CBR1: variants seen among roughly 807,000 people sequenced by gnomAD.
CBR1 encodes the protein carbonyl reductase 1, also known as carbonyl reductase [NADPH] 1.
A neutral mutation model predicts 10.6 loss-of-function variants in CBR1; 11 were observed. The ratio of observed to expected loss-of-function variants is 1.03; its 90% confidence interval spans 0.65 to 1.71. The LOEUF (loss-of-function observed/expected upper bound fraction) is 1.71. CBR1 is among the 40% of genes most tolerant of loss of function. CBR1 has a pLI of 0.00. For synonymous variants in CBR1, 158 were observed against 156.7 expected (o/e 1.01, Z -0.06); for missense variants, 361 against 368.6 (o/e 0.98, Z 0.17).
rs753977576 is a variant in CBR1 at position 36,070,201 on chromosome 21, T to A, written c.86T>A (p.Phe29Tyr). ...LAIVRDLCRL[F>Y]SGDVVLTARD... The stretch of plus-strand genomic sequence containing the variant: ...ATCGTGCGCGACCTGTGCCGGCTGT[T>A]CTCGGGGGACGTGGTGCTCACGGCG... The change falls in exon 1 of 3, where the codon TTC becomes TAC. Residue 29 changes from phenylalanine to tyrosine, a missense_variant. Phe to Tyr is a conservative substitution (Grantham distance 22). Transcript: ENST00000290349. 1.6e-5 allele frequency: 26 copies of A among 1,607,518 alleles called. No individual in the cohort carries two copies. In the African/African-American group the frequency reaches 3.2e-4, roughly 20 times the overall value.
chr21:36,071,340 T>G (rs1055504587), intron 2 of CBR1: 1 of 621,850 alleles, frequency 1.6e-6, no homozygotes, highest in Non-Finnish European at 2.9e-6. Flanking sequence ...GAGATGCTCT[T>G]TATTTGCTCC....
chr21:36,072,677 G>C lies in CBR1; in HGVS notation c.629G>C (p.Arg210Thr). The change falls in exon 3 of 3, where the codon AGG becomes ACG. Residue 210 changes from arginine to threonine, a missense_variant. Physicochemically the swap from Arg to Thr is moderately conservative, Grantham distance 71. Coordinates refer to ENST00000290349, the MANE Select transcript of CBR1 (RefSeq NM_001757.4). ...ACCGTTCTGTCCAGGATCCACGCCA[G>C]GAAACTGAGTGAGCAGAGGAAAGGG... is the stretch of plus-strand genomic sequence containing the variant. ...GVTVLSRIHA[R>T]KLSEQRKGDK... 1 of 1,614,120 alleles carries C rather than the reference G, an allele frequency of 6.2e-7. No homozygotes were observed. The highest frequency in any genetic ancestry group is 8.5e-7 in the Non-Finnish European group (1 of 1,180,010).
rs1214489445 is a variant in CBR1 at position 36,070,087 on chromosome 21, C to T, written c.-29C>T. On this transcript the variant is annotated 5_prime_UTR_variant, in exon 1 of 3. In the 5' UTR this introduces an upstream ATG that the reference lacks. Coordinates refer to ENST00000290349, the MANE Select transcript of CBR1 (RefSeq NM_001757.4). ...GGGCCTGAGCCAGGTCTGTTCTCCA[C>T]GCAGGTGTTCCGCGCGCCCCGTTCA... 5 of 1,474,756 alleles carry T rather than the reference C, an allele frequency of 3.4e-6. No homozygotes were observed. In the Admixed American group the frequency reaches 7.5e-5, roughly 22 times the overall value. 91.4% of individuals were successfully genotyped at this position (1,474,756 alleles called of 1,614,324 possible). A position where few individuals can be genotyped will look rare whatever the true frequency, so the allele number is the denominator to read the frequency against.
chr21:36,070,297 A>C lies in CBR1; in HGVS notation c.182A>C (p.Gln61Pro), dbSNP rs746822383. The C allele has an allele frequency of 3.2e-5, 51 of 1,613,094 alleles. No homozygotes were observed. In the Middle Eastern group the frequency reaches 4.5e-3, roughly 141 times the overall value. ...QAEGLSPRFH[Q>P]LDIDDLQSIR... ...GAGGGCCTGAGCCCGCGCTTCCACC[A>C]GCTGGACATCGACGATCTGCAGAGC... is the stretch of plus-strand genomic sequence containing the variant. The change falls in exon 1 of 3, where the codon CAG (glutamine) becomes CCG (proline). Residue 61 changes from glutamine to proline, a missense_variant. Gln to Pro is a moderately conservative substitution (Grantham distance 76). Transcript: ENST00000290349.
chr21:36,072,545 AGG>A lies in CBR1; in HGVS notation c.498_499del (p.Glu167AlafsTer47). ...TTCCGCAGTGAGACCATCACTGAGG[AGG>A]AGCTGGTGGGGCTCATGAACAAGTT... On this transcript the variant is annotated frameshift_variant, in exon 3 of 3. Transcript: ENST00000290349. LOFTEE classifies it low-confidence loss of function (END_TRUNC). 1 of 1,602,122 alleles carries A rather than the reference AGG, an allele frequency of 6.2e-7. No homozygotes were observed. Among genetic ancestry groups the A allele is most frequent in the African/African-American group, 1.3e-5 (1 of 74,224 alleles).
rs11542168 is a variant in CBR1, at chr21:36,070,068, G to C, written c.-48G>C. ...AACACGCTGCGGGGCTCCCGGGCCT[G>C]AGCCAGGTCTGTTCTCCACGCAGGT... On this transcript the variant is annotated 5_prime_UTR_variant, in exon 1 of 3. Coordinates refer to ENST00000290349, the MANE Select transcript of CBR1 (RefSeq NM_001757.4). 12 of 1,447,680 alleles carry C rather than the reference G, an allele frequency of 8.3e-6. No homozygotes were observed. The highest frequency in any genetic ancestry group is 9.1e-6 in the Non-Finnish European group (10 of 1,097,332). 89.7% of individuals were successfully genotyped at this position (1,447,680 alleles called of 1,614,324 possible).
chr21:36,070,596 G>T, intron 1 of CBR1, 192 bp downstream of exon 1: 2 of 594,446 alleles, frequency 3.4e-6, no homozygotes, highest in Non-Finnish European at 5.6e-6. Context: ...GGACTCTTGG[G>T]GATCTTTTTC....
At chr21:36,071,410 A>G in intron 2 of CBR1, 1 of 594,836 alleles carries the variant, frequency 1.7e-6, no homozygotes. Flanking sequence ...GAGAGATCTT[A>G]TTCAGGCTGG....
At position 36,071,070 on chromosome 21, in the gene CBR1, G is replaced by A. The variant is rs749690236; in HGVS notation, c.397+13G>A. On this transcript the variant is annotated intron_variant, in intron 2 of 2. Transcript: ENST00000290349. ...ATAAAACCCCAAGGTGAGTCTGATGGGAAACAGCGCACCTTCTCTTTGGGG... is the reference window on the plus strand; with the variant it reads ...ATAAAACCCCAAGGTGAGTCTGATGAGAAACAGCGCACCTTCTCTTTGGGG... The A allele has an allele frequency of 3.3e-6, 5 of 1,532,388 alleles. No individual in the cohort carries two copies. In the African/African-American group the frequency reaches 6.8e-5, roughly 21 times the overall value. The allele number at this position is 1,532,388 out of a possible 1,614,324, so 94.9% of individuals were successfully genotyped here. A position where few individuals can be genotyped will look rare whatever the true frequency, so the allele number is the denominator to read the frequency against.
At position 36,073,103 on chromosome 21, in the gene CBR1, A is replaced by T. The variant is rs1179034363; in HGVS notation, c.*221A>T. The T allele has an allele frequency of 9.2e-6, 4 of 433,994 alleles. No homozygotes were observed. In the Admixed American group the frequency reaches 1.2e-4, roughly 13 times the overall value. 26.9% of individuals were successfully genotyped at this position (433,994 alleles called of 1,614,324 possible). ...TTTCCTCTGATGCAGGAGAGGAAAA[A>T]TTGTAATTGATGAAAATAATGAATG... On this transcript the variant is annotated 3_prime_UTR_variant, in exon 3 of 3. Transcript: ENST00000290349.
rs777221378 is a variant in CBR1 at position 36,070,357 on chromosome 21, A to G, written c.242A>G (p.Tyr81Cys). The G allele has an allele frequency of 2.7e-5, 43 of 1,612,848 alleles. No homozygotes were observed. The highest frequency in any genetic ancestry group is 3.5e-5 in the Non-Finnish European group (41 of 1,179,732). ...CTGCGCGACTTCCTGCGCAAGGAGTACGGGGGCCTGGACGTGCTGGTCAAC... is the reference window on the plus strand; with the variant it reads ...CTGCGCGACTTCCTGCGCAAGGAGTGCGGGGGCCTGGACGTGCTGGTCAAC... ...RALRDFLRKEYGGLDVLVNNA... is the reference protein window; with the variant it reads ...RALRDFLRKECGGLDVLVNNA... Residue 81 changes from tyrosine (Y) to cysteine (C), a missense_variant, in exon 1 of 3, where the codon TAC (tyrosine) becomes TGC (cysteine). Transcript: ENST00000290349.
chr21:36,071,595 T>C (rs3787728), intron 2 of CBR1: 414,557 of 575,842 alleles, frequency 0.72, 150,389 homozygotes, highest in South Asian at 0.81. Context: ...CCTAAGTCGT[T>C]TGGGACACAG....
intron 1 of CBR1, 23 bp from the exon 2 acceptor site, chr21:36,070,927 A>G (rs778356342): frequency 1.4e-6 from 2 of 1,436,314 alleles, no homozygotes; most frequent in Admixed American, 1.7e-5. Flanking sequence ...TGTATTAACT[A>G]TGTTCTCTTT....
In CBR1 at chr21:36,070,225, C is replaced by T. The variant is rs1356237695; in HGVS notation, c.110C>T (p.Ala37Val). 1 of 1,609,452 alleles carries T rather than the reference C, an allele frequency of 6.2e-7. No homozygotes were observed. The highest frequency in any genetic ancestry group is 8.5e-7 in the Non-Finnish European group (1 of 1,178,942). The change falls in exon 1 of 3, where the codon GCG becomes GTG. Residue 37 changes from alanine to valine, a missense_variant. Physicochemically the swap from Ala to Val is moderately conservative, Grantham distance 64 (BLOSUM62 0). Transcript: ENST00000290349. ...TTCTCGGGGGACGTGGTGCTCACGG[C>T]GCGGGACGTGACGCGGGGCCAGGCG... Reference protein sequence around the residue: ...RLFSGDVVLTARDVTRGQAAV... With the variant: ...RLFSGDVVLTVRDVTRGQAAV...
intron 2 of CBR1, 26 bp downstream of exon 2, chr21:36,071,083 C>T (rs772097439): frequency 1.3e-6 from 2 of 1,483,440 alleles, no homozygotes; most frequent in Non-Finnish European, 1.9e-6. Context: ...AACAGCGCAC[C>T]TTCTCTTTGG....
intron 1 of CBR1, 71 bp from the exon 2 acceptor site, chr21:36,070,879 T>TATTA: frequency 1.1e-6 from 1 of 903,902 alleles, no homozygotes; most frequent in Non-Finnish European, 1.7e-6. Context: ...TTTTTTTTTT[T>TATTA]TAGTATCATT....
chr21:36,073,093 G>T lies in CBR1; in HGVS notation c.*211G>T, dbSNP rs2065366171. 1 of 435,994 alleles carries T rather than the reference G, an allele frequency of 2.3e-6. No homozygotes were observed. The highest frequency in any genetic ancestry group is 4.0e-6 in the Non-Finnish European group (1 of 246,990). 27.0% of individuals were successfully genotyped at this position (435,994 alleles called of 1,614,324 possible). A position where few individuals can be genotyped will look rare whatever the true frequency, so the allele number is the denominator to read the frequency against. ...TCTTTTGTGATTTCCTCTGATGCAG[G>T]AGAGGAAAAATTGTAATTGATGAAA... On this transcript the variant is annotated 3_prime_UTR_variant, in exon 3 of 3. Transcript: ENST00000290349.
At position 36,072,920 on chromosome 21, in the gene CBR1, A is replaced by T. The variant is rs753341514; in HGVS notation, c.*38A>T. The T allele has an allele frequency of 3.4e-6, 5 of 1,475,740 alleles. No homozygotes were observed. Among genetic ancestry groups the T allele is most frequent in the Non-Finnish European group, 4.7e-6 (5 of 1,075,188 alleles). The allele number at this position is 1,475,740 out of a possible 1,614,324, so 91.4% of individuals were successfully genotyped here. On this transcript the variant is annotated 3_prime_UTR_variant, in exon 3 of 3. Transcript: ENST00000290349. ...GCTCCATCCATGGGCCCCATTTTGT[A>T]CCTTGTCCTGAGTTGGTCCAAAGGG...
At chr21:36,070,647 T>C (rs536811305) in intron 1 of CBR1, among the ~76,000 whole-genome samples, 124 of 152,326 alleles carry the variant, frequency 8.1e-4, no homozygotes, top group African/African-American at 2.8e-3. Context: ...TTAAGGCAAC[T>C]GGATGGATTT....
Sources: gnomAD v4.1 joint callset for allele counts (sites outside exome capture counted in the v4.1 genomes callset) on GRCh38, gnomAD v4.1.1 for gene constraint, MANE v1.5 for transcripts, NCBI Gene and HGNC (gene_info 2026-07-23, HGNC 2026-07-21) for gene names.